The following LHX6 variants were observed in gnomAD, a reference collection of about 807,000 sequenced individuals.
LHX6 encodes the protein LIM homeobox 6.
A neutral mutation model predicts 47.1 loss-of-function variants in LHX6; 15 were observed. The observed-to-expected ratio is 0.32, with a 90% CI of 0.21 to 0.49. The LOEUF is 0.49. Ranked by LOEUF, LHX6 falls within the 20% of genes least tolerant of loss-of-function variation. The pLI is 0.99. For synonymous variants in LHX6, 242 were observed against 233.5 expected, an observed-to-expected ratio of 1.04 and a Z score of -0.33; for missense variants, 404 against 539.6, an observed-to-expected ratio of 0.75 and a Z score of 2.49.
At chr9:122,210,315 T>C (rs752955502) in intron 8 of LHX6, among the ~76,000 whole-genome samples, 1 of 152,210 alleles carries the variant, frequency 6.6e-6, no homozygotes, top group African/African-American at 2.4e-5. Flanking sequence ...TTCATATTCA[T>C]GCGCATGCAA....
chr9:122,214,361 C>T lies in LHX6; in HGVS notation c.705G>A (p.Gly235=). The T allele has an allele frequency of 6.3e-7, 1 of 1,580,160 alleles. No individual in the cohort carries two copies. Among genetic ancestry groups the T allele is most frequent in the Non-Finnish European group, 8.6e-7 (1 of 1,167,416 alleles). The change falls in exon 6 of 10, where the codon GGG becomes GGA. Residue 235 remains glycine, a synonymous_variant. Coordinates refer to ENST00000394319, the MANE Select transcript of LHX6 (RefSeq NM_014368.5). This position sits in a 1 kb window ranked among gnomAD's most constrained non-coding sequence, Gnocchi z 4.6. ...GACTGTCCTGTTCCGAGGGCACTGCCCCCTCCAACGTGAGGCCGTTCCCTG... is the reference window on the plus strand; with the variant it reads ...GACTGTCCTGTTCCGAGGGCACTGCTCCCTCCAACGTGAGGCCGTTCCCTG... ...AENGNGLTLE[G]AVPSEQDSQP...
At chr9:122,218,904 G>A (rs1243857919) in intron 4 of LHX6, among the ~76,000 whole-genome samples, 2 of 151,808 alleles carry the variant, frequency 1.3e-5, no homozygotes, top group Non-Finnish European at 2.9e-5. Flanking sequence ...ACCCTGCACC[G>A]CTCTCTCAGC....
At chr9:122,219,657 C>T (rs1028573019) in intron 4 of LHX6, among the ~76,000 whole-genome samples, 1 of 152,134 alleles carries the variant, frequency 6.6e-6, no homozygotes, top group Non-Finnish European at 1.5e-5. Context: ...ACCTCGGCTT[C>T]GTCGCAACCC....
At chr9:122,227,949 T>TCCGGGGCGGCCCCCCCCCCCCCCCCCCCC in intron 1 of LHX6, 1 of 176,980 alleles carries the variant, frequency 5.7e-6, no homozygotes. Context: ...TTTTTCTCTC[T>TCCGGGGCGGCCCCCCCCCCCCCCCCCCCC]CCACCCGCCC....
rs2118810569 is a variant in LHX6, at chr9:122,204,423, A to G, written c.*337T>C. ...ACCTGTAAATGAGAAGGCCGTTGGC[A>G]TCGCACAATTCAATTCCGCCTTTTG... On this transcript the variant is annotated 3_prime_UTR_variant, in exon 10 of 10. Transcript: ENST00000394319. 1 of 373,304 alleles carries G rather than the reference A, an allele frequency of 2.7e-6. No individual in the cohort carries two copies. The highest frequency in any genetic ancestry group is 3.9e-5 in the East Asian group (1 of 25,682). 23.1% of individuals were successfully genotyped at this position (373,304 alleles called of 1,614,324 possible). A position where few individuals can be genotyped will look rare whatever the true frequency, so the allele number is the denominator to read the frequency against.
chr9:122,214,121 C>CCGGCCCAATCAG lies in LHX6; in HGVS notation c.784-64_784-53dup, dbSNP rs754106932. On this transcript the variant is annotated intron_variant, in intron 6 of 9. Coordinates refer to ENST00000394319, the MANE Select transcript of LHX6 (RefSeq NM_014368.5). This position sits in a 1 kb window ranked among gnomAD's most constrained non-coding sequence, Gnocchi z 4.6. ...GCTCGCACGCAGAGACTCCGAGACCCCGGCCCAATCAGCGGCGCCAGTCCA... is the reference window on the plus strand; with the variant it reads ...GCTCGCACGCAGAGACTCCGAGACCCCGGCCCAATCAGCGGCCCAATCAGCGGCGCCAGTCCA... 29 of 1,526,910 alleles carry CCGGCCCAATCAG rather than the reference C, an allele frequency of 1.9e-5. No homozygotes were observed. Among genetic ancestry groups the CCGGCCCAATCAG allele is most frequent in the Middle Eastern group, 2.1e-4 (1 of 4,728 alleles). The allele number at this position is 1,526,910 out of a possible 1,614,324, so 94.6% of individuals were successfully genotyped here.
chr9:122,224,420 A>T (rs1831005357), intron 4 of LHX6, among the ~76,000 whole-genome samples: 1 of 152,140 alleles, frequency 6.6e-6, no homozygotes, highest in Non-Finnish European at 1.5e-5. Flanking sequence ...GGCCAAACCA[A>T]TACTCAGATG....
Position 122,228,821 on chromosome 9 carries a change from G to T in LHX6, c.-81C>A. On this transcript the variant is annotated 5_prime_UTR_variant, in exon 1 of 10. Transcript: ENST00000394319. ...GGACCACAGCCGCAGTGGGAGCAGA[G>T]GCTGCTGCAGGAGCAGGAGGAGAGC... 1.0e-6 allele frequency: 1 copy of T among 957,582 alleles called. No individual in the cohort carries two copies. Among genetic ancestry groups the T allele is most frequent in the Non-Finnish European group, 1.3e-6 (1 of 745,842 alleles). 59.3% of individuals were successfully genotyped at this position (957,582 alleles called of 1,614,324 possible). A position where few individuals can be genotyped will look rare whatever the true frequency, so the allele number is the denominator to read the frequency against.
chr9:122,226,187 C>T lies in LHX6; in HGVS notation c.461+189G>A, dbSNP rs1831088362. ...GATCCGGGGCGCAAACCTGTGCAGG[C>T]ACTGGCGCGCTGCCTGGAGCTCTGG... On this transcript the variant is annotated intron_variant, in intron 4 of 9. Transcript: ENST00000394319. The surrounding 1 kb of genome is among the most constrained non-coding windows in gnomAD (Gnocchi z 6.5). 6.6e-6 allele frequency among the ~76,000 whole-genome samples: 1 copy of T among 152,228 alleles called. No homozygotes were observed. Among genetic ancestry groups the T allele is most frequent in the African/African-American group, 2.4e-5 (1 of 41,460 alleles).
In LHX6 at chr9:122,226,569, C is replaced by T; in HGVS notation, c.340-72G>A. ...CACTCCGGGCCCCAGCCTTCCCGGT[C>T]TCATTTACAGTCAGAGGCGCTGAAG... On this transcript the variant is annotated intron_variant, in intron 3 of 9. Coordinates refer to ENST00000394319, the MANE Select transcript of LHX6 (RefSeq NM_014368.5). The surrounding 1 kb of genome is among the most constrained non-coding windows in gnomAD (Gnocchi z 6.5). The T allele has an allele frequency of 6.4e-7, 1 of 1,567,914 alleles. No homozygotes were observed. The highest frequency in any genetic ancestry group is 8.6e-7 in the Non-Finnish European group (1 of 1,163,864).
chr9:122,219,796 A>G (rs1289420222), intron 4 of LHX6, among the ~76,000 whole-genome samples: 2 of 152,194 alleles, frequency 1.3e-5, no homozygotes, highest in Non-Finnish European at 2.9e-5. Flanking sequence ...TGCAAAAAGT[A>G]CCTAGAACCT....
At chr9:122,220,590 C>G (rs562106227) in intron 4 of LHX6, among the ~76,000 whole-genome samples, 1 of 152,252 alleles carries the variant, frequency 6.6e-6, no homozygotes, top group East Asian at 1.9e-4. Context: ...GGAACTGCCA[C>G]CAGAGCACCA....
At chr9:122,211,580 T>C (rs868098492) in intron 8 of LHX6, among the ~76,000 whole-genome samples, 4 of 152,220 alleles carry the variant, frequency 2.6e-5, no homozygotes, top group African/African-American at 7.2e-5. Context: ...TAGTTTACCA[T>C]AGAGCAAACT....
intron 1 of LHX6, chr9:122,228,307 C>T: frequency 1.3e-6 from 2 of 1,534,828 alleles, no homozygotes; most frequent in South Asian, 1.2e-5. Context: ...CGCCGGGTAC[C>T]GGCCCCGCGT....
intron 1 of LHX6, chr9:122,227,952 A>AGGCCCCCCCCCCC: frequency 7.6e-6 from 1 of 131,682 alleles, no homozygotes. Flanking sequence ...TTCTCTCTCC[A>AGGCCCCCCCCCCC]CCCGCCCCCC....
In LHX6 at chr9:122,225,585, C is replaced by G. The variant is rs557639672; in HGVS notation, c.461+791G>C. On this transcript the variant is annotated intron_variant, in intron 4 of 9. Coordinates refer to ENST00000394319, the MANE Select transcript of LHX6 (RefSeq NM_014368.5). ...CCCGGGGTAATCCCACTCAGGGCTC[C>G]GGGTGCCCAGTTCTCCCACTTCCCA... Among the ~76,000 whole-genome samples, 102 of 152,364 alleles carry G rather than the reference C, an allele frequency of 6.7e-4. 1 individual carries two copies. The highest frequency in any genetic ancestry group is 2.3e-3 in the African/African-American group (97 of 41,594).
intron 5 of LHX6, among the ~76,000 whole-genome samples, chr9:122,216,610 G>A (rs149670164): frequency 5.9e-5 from 9 of 152,296 alleles, no homozygotes; most frequent in African/African-American, 2.2e-4. Flanking sequence ...GAGCTGCTAG[G>A]ATAGGAAATG....
Position 122,214,416 on chromosome 9 carries a change from C to T in LHX6, c.683-33G>A. Reference sequence around the variant, plus strand: ...CGATAGAAGCAGCTGACCACGCGTCCCCATCTCTTCTAGTGGCAGCCTGGA... The same window carrying T: ...CGATAGAAGCAGCTGACCACGCGTCTCCATCTCTTCTAGTGGCAGCCTGGA... On this transcript the variant is annotated intron_variant, in intron 5 of 9. Transcript: ENST00000394319. The surrounding 1 kb of genome is among the most constrained non-coding windows in gnomAD (Gnocchi z 4.6). 1.3e-6 allele frequency: 2 copies of T among 1,523,524 alleles called. No homozygotes were observed. The highest frequency in any genetic ancestry group is 1.4e-5 in the African/African-American group (1 of 69,640). 94.4% of individuals were successfully genotyped at this position (1,523,524 alleles called of 1,614,324 possible). A position where few individuals can be genotyped will look rare whatever the true frequency, so the allele number is the denominator to read the frequency against.
At chr9:122,215,367 A>AAAATT (rs1830556899) in intron 5 of LHX6, among the ~76,000 whole-genome samples, 1 of 152,228 alleles carries the variant, frequency 6.6e-6, no homozygotes, top group Admixed American at 6.5e-5. Flanking sequence ...TCTACAATGA[A>AAAATT]CGTGTGTGTA....
Sources: allele counts gnomAD v4.1 joint callset (sites outside exome capture counted in the v4.1 genomes callset), GRCh38; gene constraint gnomAD v4.1.1; non-coding constraint Gnocchi (gnomAD v3.1); transcripts MANE v1.5; gene names NCBI Gene and HGNC (gene_info 2026-07-23, HGNC 2026-07-21).